Variants in CAGE1 observed in about 807,000 individuals in gnomAD.
CAGE1 encodes cancer antigen 1, also known as cancer-associated gene 1 protein.
Under a neutral mutation model 94.9 loss-of-function variants are expected in CAGE1, and 66 were observed. The observed-to-expected ratio is 0.70, with a 90% confidence interval of 0.57 to 0.85. CAGE1 has a LOEUF of 0.85. Among genes scored for constraint, CAGE1 ranks in the 40% least tolerant of loss-of-function variants. The probability of loss-of-function intolerance (pLI) is 0.00; values close to 1 mark genes in which losing one functional copy is unlikely to be tolerated. For synonymous variants in CAGE1, 319 were observed against 321.0 expected (o/e 0.99, Z 0.07); for missense variants, 865 against 950.4 (o/e 0.91, Z 1.18).
chr6:7,328,910 GTGTGTGTGTATATA>G lies in CAGE1; in HGVS notation c.2478+925_2478+938del, dbSNP rs1320124578. 5.6e-4 allele frequency among the ~76,000 whole-genome samples: 40 copies of G among 71,438 alleles called. 1 individual carries two copies. The highest frequency in any genetic ancestry group is 7.4e-4 in the African/African-American group (12 of 16,240). 46.9% of individuals were successfully genotyped at this position (71,438 alleles called of 152,430 possible). On this transcript the variant is annotated intron_variant, in intron 13 of 13. Coordinates refer to ENST00000502583, the MANE Select transcript of CAGE1 (RefSeq NM_001170692.2). ...TGTGTGTGTGTGTGTGTGTGTGTGT[GTGTGTGTGTATATA>G]TATATATATATTTTTTTTTTTTTTT...
At chr6:7,368,365 T>C (rs1760423767) in intron 7 of CAGE1, among the ~76,000 whole-genome samples, 2 of 152,106 alleles carry the variant, frequency 1.3e-5, no homozygotes, top group Non-Finnish European at 2.9e-5. Flanking sequence ...ATGTTTCTGT[T>C]ATTCCAAAGG....
chr6:7,347,106 A>C (rs1423097372), intron 11 of CAGE1, among the ~76,000 whole-genome samples: 1 of 152,162 alleles, frequency 6.6e-6, no homozygotes, highest in East Asian at 1.9e-4. Context: ...ACTAGATTGC[A>C]GTTCTGACTA....
At chr6:7,346,457 G>A (rs1759542688) in intron 11 of CAGE1, among the ~76,000 whole-genome samples, 1 of 152,054 alleles carries the variant, frequency 6.6e-6, no homozygotes, top group Admixed American at 6.5e-5. Context: ...GCTGAGGTGG[G>A]AGGATCATTT....
chr6:7,348,790 T>C (rs184950674), intron 11 of CAGE1, among the ~76,000 whole-genome samples: 166 of 152,084 alleles, frequency 1.1e-3, no homozygotes, highest in Middle Eastern at 6.8e-3. Context: ...AGCAATAGAA[T>C]TGAACAAGTA....
At chr6:7,365,962 C>A in intron 7 of CAGE1, 78 bp from the exon 8 acceptor site, 3 of 909,024 alleles carry the variant, frequency 3.3e-6, no homozygotes, top group East Asian at 2.7e-5. Flanking sequence ...ATAATCAAAC[C>A]GGGCCGGGCG....
At chr6:7,345,290 A>G (rs945745176) in intron 11 of CAGE1, among the ~76,000 whole-genome samples, 1 of 152,204 alleles carries the variant, frequency 6.6e-6, no homozygotes, top group African/African-American at 2.4e-5. Context: ...ACTGACTGTT[A>G]AAGGTTTGCA....
At chr6:7,329,078 C>T (rs1021683973) in intron 13 of CAGE1, 5 of 267,022 alleles carry the variant, frequency 1.9e-5, no homozygotes, top group East Asian at 1.2e-4. Flanking sequence ...ATTACAGGCA[C>T]GCACCACAAC....
Position 7,326,818 on chromosome 6 carries a change from T to A in CAGE1, c.*40A>T. 2 of 1,378,128 alleles carry A rather than the reference T, an allele frequency of 1.5e-6. No homozygotes were observed. The highest frequency in any genetic ancestry group is 2.1e-6 in the Non-Finnish European group (2 of 965,746). 85.4% of individuals were successfully genotyped at this position (1,378,128 alleles called of 1,614,324 possible). ...TATGTAGTAATGACTCTTCCTGGAG[T>A]GGTTGACAAAAATGATTACTGTTTA... On this transcript the variant is annotated 3_prime_UTR_variant, in exon 14 of 14. Transcript: ENST00000502583.
chr6:7,355,033 C>A lies in CAGE1; in HGVS notation c.2369+8G>T. ...TCACAAAATTAAGGATTCGTTTTTT[C>A]AACTTACTGTGCAATCTGGGAGTGG... is the stretch of plus-strand genomic sequence containing the variant. On this transcript the variant is annotated splice_region_variant and intron_variant, in intron 11 of 13. Transcript: ENST00000502583. 6.3e-7 allele frequency: 1 copy of A among 1,591,108 alleles called. No individual in the cohort carries two copies. Among genetic ancestry groups the A allele is most frequent in the Admixed American group, 1.7e-5 (1 of 57,476 alleles).
At chr6:7,375,641 C>A (rs1056686096) in intron 4 of CAGE1, among the ~76,000 whole-genome samples, 2 of 152,146 alleles carry the variant, frequency 1.3e-5, no homozygotes, top group African/African-American at 4.8e-5. Flanking sequence ...CCTTGGGAAG[C>A]TGAGGCAGGA....
intron 12 of CAGE1, chr6:7,331,630 T>C: frequency 3.8e-6 from 1 of 262,276 alleles, no homozygotes; most frequent in Non-Finnish European, 7.9e-6. Context: ...CTGTTTAAGA[T>C]AGAACTTCAG....
Position 7,326,880 on chromosome 6 carries a change from TC to T in CAGE1, c.2497del (p.Glu833LysfsTer6). 6.3e-7 allele frequency: 1 copy of T among 1,583,172 alleles called. No individual in the cohort carries two copies. The highest frequency in any genetic ancestry group is 8.7e-7 in the Non-Finnish European group (1 of 1,152,438). ...TGTTTAATCTAAATCATTTCTATTT[TC>T]TTTAAAAAGAGCTGGCATCTAAAAA... is the stretch of plus-strand genomic sequence containing the variant. Reference protein sequence around the residue: ...SMTMMPALFKENRNDLD With the variant: ...SMTMMPALFKXNRNDLD On this transcript the variant is annotated frameshift_variant, in exon 14 of 14. Coordinates refer to ENST00000502583, the MANE Select transcript of CAGE1 (RefSeq NM_001170692.2). LOFTEE classifies it high-confidence loss of function.
In CAGE1 at chr6:7,326,735, G is replaced by A; in HGVS notation, c.*123C>T. The A allele has an allele frequency of 2.7e-6, 2 of 736,534 alleles. No homozygotes were observed. Among genetic ancestry groups the A allele is most frequent in the Non-Finnish European group, 4.8e-6 (2 of 415,732 alleles). The allele number at this position is 736,534 out of a possible 1,614,324, so 45.6% of individuals were successfully genotyped here. ...AAGTAATCACATCTTTGGAATGTAA[G>A]ACTTTACCCTTTATACAGATTTTAA... On this transcript the variant is annotated 3_prime_UTR_variant, in exon 14 of 14. Transcript: ENST00000502583.
chr6:7,350,320 C>T (rs1231056800), intron 11 of CAGE1, among the ~76,000 whole-genome samples: 1 of 152,138 alleles, frequency 6.6e-6, no homozygotes, highest in Non-Finnish European at 1.5e-5. Flanking sequence ...GGGCTGGCTT[C>T]AATACTCCAC....
At position 7,364,800 on chromosome 6, in the gene CAGE1, A is replaced by C. The variant is rs537490934; in HGVS notation, c.2193+668T>G. ...ACTTCTTATGAAAAAAAAATTACAA[A>C]AGAGGAAAGCTTTGAACCTTCACGT... On this transcript the variant is annotated intron_variant, in intron 9 of 13. Coordinates refer to ENST00000502583, the MANE Select transcript of CAGE1 (RefSeq NM_001170692.2). Among the ~76,000 whole-genome samples the C allele has an allele frequency of 6.6e-5, 10 of 152,278 alleles. No individual in the cohort carries two copies. The East Asian group carries it at 1.9e-3, about 29-fold the overall frequency.
chr6:7,356,933 A>G (rs1261311916), intron 9 of CAGE1, among the ~76,000 whole-genome samples: 1 of 152,076 alleles, frequency 6.6e-6, no homozygotes, highest in Non-Finnish European at 1.5e-5. Context: ...AGTAGATGGG[A>G]TTACAGGTGT....
chr6:7,353,696 T>TACACACACAC (rs59990182), intron 11 of CAGE1, among the ~76,000 whole-genome samples: 2 of 139,488 alleles, frequency 1.4e-5, no homozygotes, highest in Non-Finnish European at 3.1e-5. Flanking sequence ...TATATATATG[T>TACACACACAC]ACACACACAC....
chr6:7,332,188 T>C (rs1412157789), intron 12 of CAGE1, among the ~76,000 whole-genome samples: 1 of 152,106 alleles, frequency 6.6e-6, no homozygotes. Flanking sequence ...CCCTCTCCAT[T>C]TGTAGGAGGA....
chr6:7,383,200 G>A (rs1024673546), intron 3 of CAGE1, among the ~76,000 whole-genome samples: 1 of 152,138 alleles, frequency 6.6e-6, no homozygotes, highest in Admixed American at 6.6e-5. Flanking sequence ...ATTCTGTTTC[G>A]AGGCCTTCCC....
Sources: gnomAD v4.1 joint callset for allele counts (sites outside exome capture counted in the v4.1 genomes callset) on GRCh38, gnomAD v4.1.1 for gene constraint, MANE v1.5 for transcripts, NCBI Gene and HGNC (gene_info 2026-07-23, HGNC 2026-07-21) for gene names.